The following F13A1 variants were observed in gnomAD, a reference collection of about 807,000 sequenced individuals.
F13A1 encodes the protein FSF, A subunit.
F13A1 carries 47 observed loss-of-function variants against 80.1 expected under a neutral mutation model. That is an observed-to-expected ratio of 0.59 (90% CI 0.46 to 0.75). The LOEUF (loss-of-function observed/expected upper bound fraction) is 0.75. Ranked by LOEUF, F13A1 falls within the 30% of genes least tolerant of loss-of-function variation. F13A1 has a pLI of 0.00. For synonymous variants in F13A1, 349 were observed against 344.9 expected, an observed-to-expected ratio of 1.01 and a Z score of -0.13; for missense variants, 817 against 930.4, an observed-to-expected ratio of 0.88 and a Z score of 1.59.
chr6:6,230,032 A>T (rs1259177937), intron 6 of F13A1, among the ~76,000 whole-genome samples: 2 of 152,220 alleles, frequency 1.3e-5, no homozygotes, highest in Admixed American at 6.5e-5. Flanking sequence ...ATAAAACTCC[A>T]CATGGAGAAG....
At chr6:6,205,664 CTTTTT>C (rs1281165244) in intron 8 of F13A1, among the ~76,000 whole-genome samples, 6 of 151,888 alleles carry the variant, frequency 4.0e-5, no homozygotes, top group African/African-American at 1.5e-4. Flanking sequence ...ATCCAGCTTT[CTTTTT>C]TTCTTCTCCT....
At chr6:6,263,902 C>G (rs56291442) in intron 4 of F13A1, among the ~76,000 whole-genome samples, 25,468 of 152,176 alleles carry the variant, frequency 0.17, 2,226 homozygotes, top group Non-Finnish European at 0.19. Context: ...ACTGGTACCA[C>G]CATGTTTAGT....
Position 6,163,483 on chromosome 6 carries a change from C to T in F13A1, c.1908+3975G>A, listed in dbSNP as rs1181687154. On this transcript the variant is annotated intron_variant, in intron 13 of 14. Coordinates refer to ENST00000264870, the MANE Select transcript of F13A1 (RefSeq NM_000129.4). ...ATTTTTCCTGATCCTCTCCCTCCTC[C>T]CACGCCGCACCCTGCACCCTCCAAT... Among the ~76,000 whole-genome samples, 11 of 152,294 alleles carry T rather than the reference C, an allele frequency of 7.2e-5. 1 individual carries two copies. In the South Asian group the frequency reaches 1.0e-3, roughly 14 times the overall value.
chr6:6,261,312 CT>C (rs1451579880), intron 4 of F13A1, among the ~76,000 whole-genome samples: 1 of 152,174 alleles, frequency 6.6e-6, no homozygotes, highest in Non-Finnish European at 1.5e-5. Context: ...TTTCTTTCTT[CT>C]TAGAGACAGG....
intron 3 of F13A1, among the ~76,000 whole-genome samples, chr6:6,277,863 T>G (rs1452328948): frequency 6.6e-6 from 1 of 152,234 alleles, no homozygotes; most frequent in Non-Finnish European, 1.5e-5. Flanking sequence ...TCATAAATGT[T>G]CATAGCTCCT....
intron 3 of F13A1, 120 bp from the exon 4 acceptor site, chr6:6,266,929 AG>A: frequency 7.0e-7 from 1 of 1,424,936 alleles, no homozygotes; most frequent in South Asian, 1.2e-5. Context: ...CTTGACTTGA[AG>A]AAACATACAA....
At chr6:6,204,266 G>T (rs1436837214) in intron 8 of F13A1, among the ~76,000 whole-genome samples, 1 of 152,232 alleles carries the variant, frequency 6.6e-6, no homozygotes, top group Non-Finnish European at 1.5e-5. Flanking sequence ...TCTTAAAAGG[G>T]AAGAAAGAGA....
Position 6,213,417 on chromosome 6 carries a change from C to T in F13A1, c.1112+8616G>A, listed in dbSNP as rs994219189. ...GAATTTTCAACCCCGAATTTCATAT[C>T]CAGCCAAACTAAGCTTCATAAGTGA... is the stretch of plus-strand genomic sequence containing the variant. On this transcript the variant is annotated intron_variant, in intron 8 of 14. Coordinates refer to ENST00000264870, the MANE Select transcript of F13A1 (RefSeq NM_000129.4). 1.2e-4 allele frequency among the ~76,000 whole-genome samples: 18 copies of T among 152,088 alleles called. 1 individual carries two copies. Among genetic ancestry groups the T allele is most frequent in the Middle Eastern group, 3.4e-3 (1 of 294 alleles).
chr6:6,176,428 T>A (rs186805746), intron 11 of F13A1, among the ~76,000 whole-genome samples: 1 of 152,326 alleles, frequency 6.6e-6, no homozygotes, highest in Non-Finnish European at 1.5e-5. Flanking sequence ...AATAAGGGTG[T>A]CTACATCCTA....
chr6:6,308,603 A>ATTT (rs1261821460), intron 2 of F13A1, among the ~76,000 whole-genome samples: 1 of 116,420 alleles, frequency 8.6e-6, no homozygotes. Flanking sequence ...CTTAAAACAC[A>ATTT]TTCTTTTTTT....
chr6:6,229,303 CT>C (rs2113070852), intron 6 of F13A1, among the ~76,000 whole-genome samples: 1 of 152,152 alleles, frequency 6.6e-6, no homozygotes, highest in Admixed American at 6.5e-5. Context: ...TTCTCACAAC[CT>C]TTTAGGAGAT....
intron 13 of F13A1, among the ~76,000 whole-genome samples, chr6:6,163,174 G>T (rs191564257): frequency 2.6e-5 from 4 of 152,272 alleles, no homozygotes; most frequent in Middle Eastern, 3.4e-3. Context: ...CAACCTTGAG[G>T]CTCAGTCAGT....
chr6:6,173,239 G>A (rs183077344), intron 12 of F13A1, among the ~76,000 whole-genome samples: 3 of 152,200 alleles, frequency 2.0e-5, no homozygotes, highest in Non-Finnish European at 4.4e-5. Context: ...GCTGTAGCAC[G>A]TGGACCCTGA....
At chr6:6,278,706 G>C (rs1371343172) in intron 3 of F13A1, among the ~76,000 whole-genome samples, 1 of 151,962 alleles carries the variant, frequency 6.6e-6, no homozygotes, top group Non-Finnish European at 1.5e-5. Flanking sequence ...ATTGTGGGAG[G>C]TGACAGTGCC....
In F13A1 at chr6:6,187,859, C is replaced by G. The variant is rs575848572; in HGVS notation, c.1306-5718G>C. On this transcript the variant is annotated intron_variant, in intron 10 of 14. Coordinates refer to ENST00000264870, the MANE Select transcript of F13A1 (RefSeq NM_000129.4). ...CTGTGAATCCATCTGGTCCTGGACT[C>G]TTTTTGGTTGGTAAGCTATTGATTA... is the stretch of plus-strand genomic sequence containing the variant. 9.0e-3 allele frequency among the ~76,000 whole-genome samples: 1,222 copies of G among 135,240 alleles called. 25 individuals carry two copies. Among genetic ancestry groups the G allele is most frequent in the African/African-American group, 0.032 (1,177 of 36,266 alleles). The allele number at this position is 135,240 out of a possible 152,430, so 88.7% of individuals were successfully genotyped here.
In F13A1 at chr6:6,275,492, C is replaced by T. The variant is rs546639639; in HGVS notation, c.320-8683G>A. 1.8e-4 allele frequency among the ~76,000 whole-genome samples: 27 copies of T among 152,262 alleles called. 1 individual carries two copies. The South Asian group carries it at 5.4e-3, about 30-fold the overall frequency. ...TCAAGCGATTCTCCTGCCTCAGCCT[C>T]CCAAGTAGCTGGGACTACTGGTGTG... On this transcript the variant is annotated intron_variant, in intron 3 of 14. Coordinates refer to ENST00000264870, the MANE Select transcript of F13A1 (RefSeq NM_000129.4).
chr6:6,277,794 C>T (rs534631166), intron 3 of F13A1, among the ~76,000 whole-genome samples: 3 of 152,312 alleles, frequency 2.0e-5, no homozygotes, highest in South Asian at 2.1e-4. Flanking sequence ...CACCCCAAAG[C>T]GAACATGGGT....
At chr6:6,153,254 G>C (rs6913691) in intron 13 of F13A1, among the ~76,000 whole-genome samples, 32,675 of 152,076 alleles carry the variant, frequency 0.21, 3,603 homozygotes, top group Middle Eastern at 0.28. Context: ...TGGAAATGAG[G>C]CGTTTTTAAG....
chr6:6,254,595 T>C (rs148161436), intron 4 of F13A1, among the ~76,000 whole-genome samples: 6 of 152,308 alleles, frequency 3.9e-5, no homozygotes, highest in African/African-American at 1.4e-4. Context: ...ATACATAAAA[T>C]GATAGCAAAG....
Sources: gnomAD v4.1 joint callset for allele counts (sites outside exome capture counted in the v4.1 genomes callset) on GRCh38, gnomAD v4.1.1 for gene constraint, MANE v1.5 for transcripts, NCBI Gene and HGNC (gene_info 2026-07-23, HGNC 2026-07-21) for gene names.